Variants in GMDS observed in about 807,000 individuals in gnomAD.
The protein encoded by GMDS is GDP-mannose 4,6 dehydratase.
A neutral mutation model predicts 49.9 loss-of-function variants in GMDS; 20 were observed. The ratio of observed to expected loss-of-function variants is 0.40; its 90% CI spans 0.28 to 0.58. The LOEUF (loss-of-function observed/expected upper bound fraction) is 0.58. Ranked by LOEUF, GMDS falls within the 20% of genes least tolerant of loss-of-function variation. The pLI, the probability that GMDS is intolerant of heterozygous loss-of-function variation, is 0.42. For synonymous variants in GMDS, 177 were observed against 178.6 expected, an observed-to-expected ratio of 0.99 and a Z score of 0.07; for missense variants, 362 against 481.4, an observed-to-expected ratio of 0.75 and a Z score of 2.32.
intron 9 of GMDS, among the ~76,000 whole-genome samples, chr6:1,704,859 G>A (rs1765676108): frequency 6.6e-6 from 1 of 152,010 alleles, no homozygotes; most frequent in Admixed American, 6.6e-5. Context: ...GGTGGAGAGG[G>A]GGGCGGGGGT....
At chr6:2,019,870 G>A (rs551208263) in intron 4 of GMDS, among the ~76,000 whole-genome samples, 88 of 152,232 alleles carry the variant, frequency 5.8e-4, no homozygotes, top group African/African-American at 2.1e-3. Flanking sequence ...TTGTTCTACT[G>A]ATATGCTATA....
rs546925492 is a variant in GMDS at position 1,766,196 on chromosome 6, T to C, written c.772-23610A>G. On this transcript the variant is annotated intron_variant, in intron 7 of 10. Transcript: ENST00000380815. This position sits in a 1 kb window ranked among gnomAD's most constrained non-coding sequence, Gnocchi z 4.5. ...TGCATCAAGATACCTGATGCCATGA[T>C]TAATTTTTGTGTGTGGCACAGAAGC... 2.0e-5 allele frequency among the ~76,000 whole-genome samples: 3 copies of C among 151,098 alleles called. No individual in the cohort carries two copies. Among genetic ancestry groups the C allele is most frequent in the East Asian group, 3.9e-4 (2 of 5,176 alleles).
intron 1 of GMDS, among the ~76,000 whole-genome samples, chr6:2,210,447 C>A (rs565483261): frequency 6.6e-6 from 1 of 152,190 alleles, no homozygotes; most frequent in Non-Finnish European, 1.5e-5. Flanking sequence ...CCCCAATGTG[C>A]TTACCCATCC....
At chr6:2,217,410 A>G (rs1015131833) in intron 1 of GMDS, among the ~76,000 whole-genome samples, 6 of 150,554 alleles carry the variant, frequency 4.0e-5, no homozygotes, top group African/African-American at 7.4e-5. Flanking sequence ...AGTAAAATAT[A>G]TGACATGTAA....
At chr6:2,180,877 A>G (rs889214220) in intron 1 of GMDS, among the ~76,000 whole-genome samples, 1 of 152,164 alleles carries the variant, frequency 6.6e-6, no homozygotes, top group Non-Finnish European at 1.5e-5. Flanking sequence ...CATAAGACAG[A>G]TGGATGAAGG....
chr6:1,634,891 C>T (rs750333685), intron 9 of GMDS, among the ~76,000 whole-genome samples: 4 of 152,208 alleles, frequency 2.6e-5, no homozygotes, highest in Non-Finnish European at 4.4e-5. Context: ...GCAGAAAAGG[C>T]CTCCCTGGGG....
At chr6:1,697,057 G>T (rs1291718858) in intron 9 of GMDS, among the ~76,000 whole-genome samples, 1 of 152,232 alleles carries the variant, frequency 6.6e-6, no homozygotes, top group East Asian at 1.9e-4. Flanking sequence ...CTGTCACACC[G>T]TAGGAGCCCA....
intron 9 of GMDS, among the ~76,000 whole-genome samples, chr6:1,716,318 A>C (rs1766175318): frequency 6.6e-6 from 1 of 152,168 alleles, no homozygotes; most frequent in African/African-American, 2.4e-5. Flanking sequence ...TCTCAAACAC[A>C]AAACTTGTTT....
At chr6:1,879,385 C>T (rs1759253709) in intron 7 of GMDS, among the ~76,000 whole-genome samples, 1 of 152,156 alleles carries the variant, frequency 6.6e-6, no homozygotes, top group Non-Finnish European at 1.5e-5. Context: ...TGAATATTCA[C>T]CTGCTAAGGA....
intron 7 of GMDS, among the ~76,000 whole-genome samples, chr6:1,776,526 GAAAAAAAAA>G (rs534951952): frequency 2.9e-5 from 4 of 136,746 alleles, no homozygotes; most frequent in African/African-American, 5.3e-5. Flanking sequence ...TGTCTCTACA[GAAAAAAAAA>G]AAAAAATTTA....
intron 4 of GMDS, among the ~76,000 whole-genome samples, chr6:2,012,478 G>A (rs902722779): frequency 3.9e-5 from 6 of 152,082 alleles, no homozygotes; most frequent in African/African-American, 1.4e-4. Context: ...AGAAAGCTGG[G>A]TGGTTTCAGC....
At chr6:2,030,455 A>C (rs1368470736) in intron 4 of GMDS, among the ~76,000 whole-genome samples, 2 of 152,184 alleles carry the variant, frequency 1.3e-5, no homozygotes, top group African/African-American at 4.8e-5. Context: ...ATGTTGTCCC[A>C]ACTTCTATTT....
chr6:1,715,424 C>T (rs1362605673), intron 9 of GMDS, among the ~76,000 whole-genome samples: 1 of 152,194 alleles, frequency 6.6e-6, no homozygotes, highest in African/African-American at 2.4e-5. Flanking sequence ...TCTTTATCCC[C>T]TGACAATGTG....
chr6:1,964,215 A>G (rs765468691), intron 4 of GMDS, among the ~76,000 whole-genome samples: 8 of 152,234 alleles, frequency 5.3e-5, no homozygotes, highest in African/African-American at 9.6e-5. Flanking sequence ...ATTTTTAGGT[A>G]TAAGTTCTTA....
intron 9 of GMDS, among the ~76,000 whole-genome samples, chr6:1,647,628 T>C (rs1561697129): frequency 6.6e-6 from 1 of 152,190 alleles, no homozygotes; most frequent in African/African-American, 2.4e-5. Flanking sequence ...AACTGCCATG[T>C]AGTGTGACAA....
At chr6:2,245,280 C>G in intron 1 of GMDS, 41 bp downstream of exon 1, 3 of 1,337,548 alleles carry the variant, frequency 2.2e-6, no homozygotes, top group Non-Finnish European at 3.1e-6. Context: ...GCACGCGTGC[C>G]CAGGCTGCCT....
intron 9 of GMDS, among the ~76,000 whole-genome samples, chr6:1,675,477 C>T (rs1308192306): frequency 1.3e-5 from 2 of 152,174 alleles, no homozygotes; most frequent in African/African-American, 2.4e-5. Context: ...CAGTGCAACA[C>T]TGAATCATGG....
intron 4 of GMDS, among the ~76,000 whole-genome samples, chr6:2,000,422 A>G (rs891375882): frequency 6.6e-6 from 1 of 152,008 alleles, no homozygotes; most frequent in Non-Finnish European, 1.5e-5. Flanking sequence ...CTATGTATTC[A>G]TTAGCAGTCA....
At chr6:2,225,194 G>A (rs1273129191) in intron 1 of GMDS, among the ~76,000 whole-genome samples, 1 of 151,896 alleles carries the variant, frequency 6.6e-6, no homozygotes, top group Non-Finnish European at 1.5e-5. Flanking sequence ...GCTGGGCATG[G>A]TAGTGCACAA....
Sources: gnomAD v4.1 joint callset for allele counts (sites outside exome capture counted in the v4.1 genomes callset) on GRCh38, gnomAD v4.1.1 for gene constraint, Gnocchi (gnomAD v3.1) non-coding constraint, MANE v1.5 for transcripts, NCBI Gene and HGNC (gene_info 2026-07-23, HGNC 2026-07-21) for gene names.